Variants in BORCS7 observed in about 807,000 individuals in gnomAD.
The protein encoded by BORCS7 is BLOC-1-related complex subunit 7.
BORCS7 carries 20 observed loss-of-function variants against 17.5 expected under a neutral mutation model. That is an observed-to-expected ratio of 1.14 (90% confidence interval 0.80 to 1.66). The LOEUF (loss-of-function observed/expected upper bound fraction) is 1.66. Ranked by LOEUF, BORCS7 falls within the 40% of genes most tolerant of loss-of-function variation. The pLI is 0.00. For missense variants in BORCS7, 122 were observed against 129.7 expected, an observed-to-expected ratio of 0.94 and a Z score of 0.29; for synonymous variants, 57 against 49.8, an observed-to-expected ratio of 1.14 and a Z score of -0.61.
At chr10:102,859,270 A>G (rs1015308491) in intron 1 of BORCS7, among the ~76,000 whole-genome samples, 13 of 151,006 alleles carry the variant, frequency 8.6e-5, no homozygotes, top group Non-Finnish European at 1.6e-4. Flanking sequence ...AGCCTCCTGA[A>G]TAACTGGGAT....
rs962046337 is a variant in BORCS7 at position 102,854,295 on chromosome 10, G to A, written c.9G>A (p.Ala3=). ...ACCGTTCGCTAACTGAAATGATGGC[G>A]ACTGGAACGCCAGAGTCTCAAGCGC... MM[A]TGTPESQARF... The change falls in exon 1 of 5, where the codon GCG becomes GCA. Residue 3 remains alanine (A), a synonymous_variant. Coordinates refer to ENST00000339834, the MANE Select transcript of BORCS7 (RefSeq NM_001136200.2). 4.4e-6 allele frequency: 7 copies of A among 1,605,764 alleles called. No individual in the cohort carries two copies. Among genetic ancestry groups the A allele is most frequent in the African/African-American group, 4.0e-5 (3 of 74,854 alleles).
chr10:102,862,747 A>G, intron 4 of BORCS7, 126 bp from the exon 5 acceptor site: 2 of 756,050 alleles, frequency 2.6e-6, no homozygotes, highest in Non-Finnish European at 4.4e-6. Context: ...CCAGAGTTTG[A>G]GATTGCCTTG....
intron 1 of BORCS7, 200 bp downstream of exon 1, chr10:102,854,627 G>A: frequency 1.9e-6 from 1 of 529,670 alleles, no homozygotes; most frequent in Non-Finnish European, 3.0e-6. Context: ...AGGGTTGGGG[G>A]AAGAAGCGAT....
At chr10:102,862,762 G>A (rs1590214058) in intron 4 of BORCS7, 111 bp from the exon 5 acceptor site, 2 of 865,230 alleles carry the variant, frequency 2.3e-6, no homozygotes, top group Non-Finnish European at 3.7e-6. Flanking sequence ...GCCTTGTGCA[G>A]CATAGTGAGA....
At chr10:102,856,096 G>T (rs534588465) in intron 1 of BORCS7, among the ~76,000 whole-genome samples, 123 of 152,160 alleles carry the variant, frequency 8.1e-4, no homozygotes, top group Non-Finnish European at 1.5e-3. Context: ...GATCAGGGAA[G>T]GGGTCTCTGG....
chr10:102,860,280 T>C, intron 1 of BORCS7, 52 bp from the exon 2 acceptor site: 1 of 1,518,888 alleles, frequency 6.6e-7, no homozygotes, highest in South Asian at 1.1e-5. Flanking sequence ...AGAGAGAAGA[T>C]TACAGGAAGT....
At position 102,854,363 on chromosome 10, in the gene BORCS7, C is replaced by G. The variant is rs1295973025; in HGVS notation, c.77C>G (p.Thr26Ser). Residue 26 changes from threonine to serine, a missense_variant, in exon 1 of 5, where the codon ACC (threonine) becomes AGC (serine). Physicochemically the swap from Thr to Ser is moderately conservative, Grantham distance 58. Coordinates refer to ENST00000339834, the MANE Select transcript of BORCS7 (RefSeq NM_001136200.2). ...AAGGGGCTTCTCACGGAGAAGGTGA[C>G]CACCTGTGGTACTGACGTAATCGCG... ...SVKGLLTEKVTTCGTDVIALT... is the reference protein window; with the variant it reads ...SVKGLLTEKVSTCGTDVIALT... 6.3e-7 allele frequency: 1 copy of G among 1,581,304 alleles called. No homozygotes were observed. Among genetic ancestry groups the G allele is most frequent in the South Asian group, 1.2e-5 (1 of 86,676 alleles).
At chr10:102,862,848 A>C (rs1844541681) in intron 4 of BORCS7, 25 bp from the exon 5 acceptor site, 1 of 1,590,824 alleles carries the variant, frequency 6.3e-7, no homozygotes, top group Non-Finnish European at 8.6e-7. Flanking sequence ...TTTCAGATAA[A>C]CCCTGTCTCT....
At chr10:102,858,367 G>A (rs966988754) in intron 1 of BORCS7, among the ~76,000 whole-genome samples, 6 of 151,464 alleles carry the variant, frequency 4.0e-5, no homozygotes, top group Non-Finnish European at 8.9e-5. Context: ...GTTATGCATG[G>A]GGCTGGGTGT....
At position 102,862,178 on chromosome 10, in the gene BORCS7, G is replaced by A. The variant is rs372982070; in HGVS notation, c.267G>A (p.Lys89=). The A allele has an allele frequency of 2.4e-4, 389 of 1,609,338 alleles. 3 individuals carry two copies. In the South Asian group the frequency reaches 4.1e-3, roughly 17 times the overall value. ...HLQYQQEAIQ[K]NVEQSSDLQD... ...GATTTAGGCAAGAAGCTATTCAGAA[G>A]AAGTAAGTAACCCCAAAGGTAGAGG... Residue 89 remains lysine, a splice_region_variant and synonymous_variant, in exon 4 of 5, where the codon AAG becomes AAA. Coordinates refer to ENST00000339834, the MANE Select transcript of BORCS7 (RefSeq NM_001136200.2).
intron 4 of BORCS7, 141 bp downstream of exon 4, chr10:102,862,321 G>T: frequency 1.3e-6 from 1 of 759,496 alleles, no homozygotes; most frequent in Admixed American, 2.9e-5. Flanking sequence ...ACTCACTTGG[G>T]ATTTAAAGAT....
At chr10:102,860,831 A>G (rs1844506655) in intron 3 of BORCS7, 7 of 520,110 alleles carry the variant, frequency 1.3e-5, no homozygotes, top group South Asian at 4.9e-5. Flanking sequence ...TGCCAGGACC[A>G]TGCTAGCACT....
chr10:102,858,207 CGAGAGAGA>C (rs148405072), intron 1 of BORCS7, among the ~76,000 whole-genome samples: 1 of 121,206 alleles, frequency 8.3e-6, no homozygotes, highest in Non-Finnish European at 1.8e-5. Context: ...AGAGAGCGAG[CGAGAGAGA>C]GAGAGAGAGA....
At position 102,860,487 on chromosome 10, in the gene BORCS7, T is replaced by C. The variant is rs1564787012; in HGVS notation, c.205-11T>C. The C allele has an allele frequency of 6.2e-7, 1 of 1,612,840 alleles. No individual in the cohort carries two copies. The highest frequency in any genetic ancestry group is 1.1e-5 in the South Asian group (1 of 91,058). On this transcript the variant is annotated splice_polypyrimidine_tract_variant and intron_variant, in intron 2 of 4. Coordinates refer to ENST00000339834, the MANE Select transcript of BORCS7 (RefSeq NM_001136200.2). ...GGAAATGTTCTATTTCTCTCTCTCTTTTTTATGCAGAGTTTAAGGAAGATG... is the reference window on the plus strand; with the variant it reads ...GGAAATGTTCTATTTCTCTCTCTCTCTTTTATGCAGAGTTTAAGGAAGATG...
intron 4 of BORCS7, 79 bp downstream of exon 4, chr10:102,862,259 A>C: frequency 1.4e-6 from 2 of 1,393,200 alleles, no homozygotes; most frequent in Non-Finnish European, 2.0e-6. Flanking sequence ...GTCCAGAATC[A>C]ATACAAAACC....
chr10:102,859,996 T>G (rs936257101), intron 1 of BORCS7, among the ~76,000 whole-genome samples: 2 of 152,198 alleles, frequency 1.3e-5, no homozygotes, highest in African/African-American at 4.8e-5. Context: ...TCATGTTCTC[T>G]CACTGGACTT....
intron 1 of BORCS7, among the ~76,000 whole-genome samples, chr10:102,855,215 G>A (rs1844407897): frequency 6.8e-6 from 1 of 146,286 alleles, no homozygotes; most frequent in Non-Finnish European, 1.5e-5. Context: ...CTGGAGTGTA[G>A]TGGTGTGATC....
intron 3 of BORCS7, 71 bp from the exon 4 acceptor site, chr10:102,862,089 G>A: frequency 9.1e-6 from 13 of 1,426,458 alleles, no homozygotes; most frequent in East Asian, 2.3e-5. Context: ...CTGCCTATAT[G>A]TATTATCTGG....
intron 3 of BORCS7, 148 bp downstream of exon 3, chr10:102,860,689 A>G (rs1199999292): frequency 1.3e-6 from 1 of 781,432 alleles, no homozygotes; most frequent in Admixed American, 2.2e-5. Context: ...GATGGCAAAG[A>G]TGCCTGAGAC....
Sources: gnomAD v4.1 joint callset for allele counts (sites outside exome capture counted in the v4.1 genomes callset) on GRCh38, gnomAD v4.1.1 for gene constraint, MANE v1.5 for transcripts, NCBI Gene and HGNC (gene_info 2026-07-23, HGNC 2026-07-21) for gene names.